DNA2: variants seen among roughly 807,000 people sequenced by gnomAD.
DNA2 encodes the protein DNA replication ATP-dependent helicase/nuclease DNA2.
In DNA2, 101 loss-of-function variants were observed where a neutral mutation model predicts 119.1. That is an observed-to-expected ratio of 0.85 (90% CI 0.72 to 1.00). DNA2 has a LOEUF of 1.00. DNA2 is among the 50% of genes least tolerant of loss of function. The pLI is 0.00. For synonymous variants in DNA2, 366 were observed against 424.4 expected (o/e 0.86, Z 1.69); for missense variants, 1,121 against 1,255.5 (o/e 0.89, Z 1.62).
intron 3 of DNA2, 86 bp from the exon 4 acceptor site, chr10:68,465,898 A>G (rs2052321259): frequency 2.5e-6 from 3 of 1,199,338 alleles, no homozygotes; most frequent in Non-Finnish European, 3.2e-6. Context: ...AAACCACCAT[A>G]GCCAAAATGC....
At chr10:68,454,014 T>A (rs1015476397) in intron 5 of DNA2, among the ~76,000 whole-genome samples, 16 of 152,234 alleles carry the variant, frequency 1.1e-4, no homozygotes, top group Non-Finnish European at 1.9e-4. Flanking sequence ...CCTTAGCATC[T>A]GTGATGCCCT....
chr10:68,424,516 A>AC, intron 14 of DNA2: 7 of 660,188 alleles, frequency 1.1e-5, no homozygotes, highest in Non-Finnish European at 1.1e-5. Context: ...AAAAAAAAAA[A>AC]AAAACAAAAC....
At chr10:68,432,131 A>G in intron 12 of DNA2, 75 bp downstream of exon 12, 1 of 1,168,514 alleles carries the variant, frequency 8.6e-7, no homozygotes, top group Non-Finnish European at 1.2e-6. Context: ...AGTCTAATCA[A>G]GATATTAGAC....
chr10:68,420,966 T>C (rs2051656808), intron 17 of DNA2, among the ~76,000 whole-genome samples: 1 of 150,452 alleles, frequency 6.6e-6, no homozygotes, highest in Non-Finnish European at 1.5e-5. Flanking sequence ...TGAGATGGAG[T>C]TTCACTCTGT....
chr10:68,423,915 G>A (rs1362555198), intron 14 of DNA2, among the ~76,000 whole-genome samples: 1 of 152,222 alleles, frequency 6.6e-6, no homozygotes, highest in African/African-American at 2.4e-5. Context: ...GTGAGAGGAA[G>A]CCAGCTAAAA....
At chr10:68,459,824 C>T (rs547791983) in intron 4 of DNA2, among the ~76,000 whole-genome samples, 4 of 152,128 alleles carry the variant, frequency 2.6e-5, no homozygotes, top group East Asian at 1.9e-4. Context: ...GTCAGCAGTT[C>T]GAGACAAGCC....
Position 68,459,250 on chromosome 10 carries a change from A to C in DNA2, c.588-15T>G. On this transcript the variant is annotated splice_polypyrimidine_tract_variant and intron_variant, in intron 4 of 20. Coordinates refer to ENST00000358410, the MANE Select transcript of DNA2 (RefSeq NM_001080449.3). ...TTAAGCGGTACCTGCCAAAAATATA[A>C]TAGTAAATAGACTTAGACTTAAGCG... The C allele has an allele frequency of 6.5e-7, 1 of 1,532,456 alleles. No individual in the cohort carries two copies. Among genetic ancestry groups the C allele is most frequent in the South Asian group, 1.3e-5 (1 of 79,800 alleles). 94.9% of individuals were successfully genotyped at this position (1,532,456 alleles called of 1,614,324 possible). A position where few individuals can be genotyped will look rare whatever the true frequency, so the allele number is the denominator to read the frequency against.
intron 5 of DNA2, among the ~76,000 whole-genome samples, chr10:68,456,200 C>A (rs577767903): frequency 7.9e-5 from 12 of 151,466 alleles, no homozygotes; most frequent in Non-Finnish European, 1.3e-4. Context: ...CCAGTCTGGG[C>A]AAGAGTGAGA....
intron 14 of DNA2, among the ~76,000 whole-genome samples, chr10:68,425,807 TTC>T (rs1491360744): frequency 2.7e-5 from 4 of 147,134 alleles, no homozygotes; most frequent in African/African-American, 1.0e-4. Context: ...TGTTTCATAA[TTC>T]AAAAAAAAAA....
chr10:68,446,805 G>A (rs1590064683), intron 6 of DNA2, among the ~76,000 whole-genome samples: 1 of 152,170 alleles, frequency 6.6e-6, no homozygotes, highest in Admixed American at 6.6e-5. Context: ...TGAATTCATG[G>A]AGACAGATAG....
At chr10:68,445,151 A>T (rs2052021701) in intron 7 of DNA2, 68 bp from the exon 8 acceptor site, 3 of 1,401,684 alleles carry the variant, frequency 2.1e-6, no homozygotes, top group East Asian at 4.6e-5. Flanking sequence ...TTCACTACAT[A>T]TGTAAAACTT....
Position 68,431,946 on chromosome 10 carries a change from C to T in DNA2, c.1899G>A (p.Ala633=), listed in dbSNP as rs116704917. The change falls in exon 13 of 21, where the codon GCG becomes GCA. Residue 633 remains alanine (A), a synonymous_variant. Transcript: ENST00000358410. ...LKGLNKPQRQ[A]MKKVLLSKDY... ...CTTTTGAAAGAAGTACCTTTTTCAT[C>T]GCTTGCCTCTGAGGCTTATTCAAAC... is the stretch of plus-strand genomic sequence containing the variant. 1.5e-3 allele frequency: 2,456 copies of T among 1,613,280 alleles called. 43 individuals carry two copies. In the African/African-American group the frequency reaches 0.029, roughly 19 times the overall value.
At chr10:68,452,812 G>A (rs1378291509) in intron 5 of DNA2, among the ~76,000 whole-genome samples, 1 of 135,976 alleles carries the variant, frequency 7.4e-6, no homozygotes, top group Non-Finnish European at 1.5e-5. Flanking sequence ...TCGAACTCCT[G>A]GTCTCAAGCA....
Position 68,416,752 on chromosome 10 carries a change from G to C in DNA2, c.3071C>G (p.Pro1024Arg). 6.2e-7 allele frequency: 1 copy of C among 1,613,854 alleles called. No homozygotes were observed. The highest frequency in any genetic ancestry group is 1.1e-5 in the South Asian group (1 of 91,082). ...ATGATTAAGCAGCTTCTCCAAAGGA[G>C]GATAGCAATTTAGTGAGGGCACACA... is the stretch of plus-strand genomic sequence containing the variant. ...LGCVPSLNCYPPLEKLLNHLN... is the reference protein window; with the variant it reads ...LGCVPSLNCYRPLEKLLNHLN... The change falls in exon 20 of 21, where the codon CCT becomes CGT. Residue 1024 changes from proline (P) to arginine (R), a missense_variant. Pro to Arg is a moderately radical substitution (Grantham distance 103, BLOSUM62 -2). Transcript: ENST00000358410.
At chr10:68,459,399 G>A (rs542474334) in intron 4 of DNA2, among the ~76,000 whole-genome samples, 164 bp from the exon 5 acceptor site, 1 of 152,124 alleles carries the variant, frequency 6.6e-6, no homozygotes, top group Non-Finnish European at 1.5e-5. Flanking sequence ...ACAAAATGTG[G>A]CATATTCCAT....
At chr10:68,443,349 A>C (rs2051996136) in intron 8 of DNA2, among the ~76,000 whole-genome samples, 1 of 152,230 alleles carries the variant, frequency 6.6e-6, no homozygotes, top group African/African-American at 2.4e-5. Context: ...CAAACAACTC[A>C]GGTTGGGTAA....
chr10:68,460,074 T>C (rs1275416839), intron 4 of DNA2, among the ~76,000 whole-genome samples: 1 of 137,390 alleles, frequency 7.3e-6, no homozygotes, highest in Non-Finnish European at 1.6e-5. Context: ...CAAGTTAACA[T>C]GGTAATTTTT....
At chr10:68,469,001 G>A (rs918716650) in intron 2 of DNA2, among the ~76,000 whole-genome samples, 3 of 152,024 alleles carry the variant, frequency 2.0e-5, no homozygotes, top group African/African-American at 7.2e-5. Flanking sequence ...AGTGAGCCGC[G>A]ATCACGCCAT....
chr10:68,457,173 A>G (rs988183714), intron 5 of DNA2, among the ~76,000 whole-genome samples: 6 of 151,986 alleles, frequency 3.9e-5, no homozygotes, highest in Admixed American at 1.3e-4. Context: ...AAACCCTCCA[A>G]TGGCTTCCAT....
Sources: allele counts gnomAD v4.1 joint callset (sites outside exome capture counted in the v4.1 genomes callset), GRCh38; gene constraint gnomAD v4.1.1; transcripts MANE v1.5; gene names NCBI Gene and HGNC (gene_info 2026-07-23, HGNC 2026-07-21).